Variants in UBE2Q2 observed in about 807,000 individuals in gnomAD.
UBE2Q2 encodes the protein ubiquitin conjugating enzyme E2 Q2, also known as ubiquitin-conjugating enzyme E2 Q2.
UBE2Q2 carries 54 observed loss-of-function variants against 59.9 expected under a neutral mutation model. That is an observed-to-expected ratio of 0.90 (90% CI 0.72 to 1.13). The LOEUF (loss-of-function observed/expected upper bound fraction) is 1.13, where lower values mean the gene tolerates loss of function less well. UBE2Q2 is among the 50% of genes most tolerant of loss of function. UBE2Q2 has a pLI of 0.00. For missense variants in UBE2Q2, 433 were observed against 441.9 expected, an observed-to-expected ratio of 0.98 and a Z score of 0.18; for synonymous variants, 165 against 155.2, an observed-to-expected ratio of 1.06 and a Z score of -0.47.
chr15:75,895,570 T>TAA (rs916287151), intron 11 of UBE2Q2, among the ~76,000 whole-genome samples: 1 of 150,608 alleles, frequency 6.6e-6, no homozygotes, highest in African/African-American at 2.4e-5. Context: ...TTTAACATGT[T>TAA]AAAAAAAAAT....
chr15:75,856,312 C>G (rs573012346), intron 2 of UBE2Q2, among the ~76,000 whole-genome samples: 51 of 145,690 alleles, frequency 3.5e-4, no homozygotes, highest in African/African-American at 1.2e-3. Flanking sequence ...CAGTACAAAT[C>G]CCAGCAGATT....
chr15:75,854,259 T>C (rs1355861473), intron 1 of UBE2Q2, 127 bp from the exon 2 acceptor site: 1 of 603,218 alleles, frequency 1.7e-6, no homozygotes, highest in African/African-American at 1.9e-5. Flanking sequence ...GTTTTTAATA[T>C]GTTGCCTTTT....
At chr15:75,872,516 T>C (rs1177961686) in intron 4 of UBE2Q2, among the ~76,000 whole-genome samples, 1 of 150,864 alleles carries the variant, frequency 6.6e-6, no homozygotes, top group African/African-American at 2.4e-5. Context: ...GGTATTCAAA[T>C]TCTTTGTTTT....
At chr15:75,891,061 T>C in intron 11 of UBE2Q2, 47 bp downstream of exon 11, 1 of 1,423,676 alleles carries the variant, frequency 7.0e-7, no homozygotes, top group South Asian at 1.2e-5. Context: ...ACATTTTATA[T>C]TACTTTATAA....
chr15:75,890,503 T>C lies in UBE2Q2; in HGVS notation c.933+20T>C. ...AAACAGGTGACTTTTCTTACGATAC[T>C]CCATTTTCACCCACAATTTAGTGTT... On this transcript the variant is annotated intron_variant, in intron 10 of 12. Coordinates refer to ENST00000267938, the MANE Select transcript of UBE2Q2 (RefSeq NM_173469.4). 1 of 1,604,260 alleles carries C rather than the reference T, an allele frequency of 6.2e-7. No homozygotes were observed. Among genetic ancestry groups the C allele is most frequent in the South Asian group, 1.1e-5 (1 of 88,792 alleles).
chr15:75,860,699 C>T (rs1897163763), intron 3 of UBE2Q2, among the ~76,000 whole-genome samples: 3 of 152,088 alleles, frequency 2.0e-5, no homozygotes, highest in African/African-American at 4.8e-5. Flanking sequence ...GTAGCCCTTT[C>T]TGTGAGGTTT....
chr15:75,844,408 T>TTGAGCGACCCCTCTCCCCCGGGCC (rs1373802237), intron 1 of UBE2Q2: 12 of 1,551,460 alleles, frequency 7.7e-6, no homozygotes, highest in Non-Finnish European at 8.7e-6. Context: ...CTGGTGCTGT[T>TTGAGCGACCCCTCTCCCCCGGGCC]TGAGCGACCC....
intron 2 of UBE2Q2, among the ~76,000 whole-genome samples, chr15:75,855,652 C>T (rs1269008548): frequency 6.6e-6 from 1 of 152,136 alleles, no homozygotes; most frequent in Non-Finnish European, 1.5e-5. Context: ...AGCTCTGTTA[C>T]ATAAAAGTCA....
intron 3 of UBE2Q2, among the ~76,000 whole-genome samples, chr15:75,865,355 C>T (rs1024212478): frequency 5.3e-5 from 8 of 152,164 alleles, no homozygotes; most frequent in Admixed American, 1.3e-4. Flanking sequence ...TTGTGTGTAG[C>T]TATAGTTCTT....
intron 8 of UBE2Q2, among the ~76,000 whole-genome samples, chr15:75,883,084 G>A (rs917660783): frequency 6.6e-6 from 1 of 152,096 alleles, no homozygotes; most frequent in African/African-American, 2.4e-5. Context: ...AAGTTACCTA[G>A]TCTATCATTA....
At chr15:75,849,381 GAA>G (rs1353491983) in intron 1 of UBE2Q2, among the ~76,000 whole-genome samples, 16 of 152,282 alleles carry the variant, frequency 1.1e-4, no homozygotes, top group African/African-American at 3.8e-4. Context: ...TGAAATCCCT[GAA>G]GATAGCTGTG....
rs371826723 is a variant in UBE2Q2, at chr15:75,845,795, G to A, written c.180+1949G>A. 7.2e-5 allele frequency among the ~76,000 whole-genome samples: 11 copies of A among 152,284 alleles called. No individual in the cohort carries two copies. In the South Asian group the frequency reaches 1.5e-3, roughly 20 times the overall value. On this transcript the variant is annotated intron_variant, in intron 1 of 12. Transcript: ENST00000267938. ...CCTAAAGTGCCACTGGTGCCCCATC[G>A]AGAACCATATTGAAGGCTGGTAAGA...
chr15:75,878,972 C>T, intron 7 of UBE2Q2, 126 bp from the exon 8 acceptor site: 1 of 582,716 alleles, frequency 1.7e-6, no homozygotes, highest in Non-Finnish European at 2.9e-6. Context: ...AGCTTTAGAC[C>T]TTCTCTTTCT....
chr15:75,846,185 T>C (rs980007394), intron 1 of UBE2Q2, among the ~76,000 whole-genome samples: 2 of 152,224 alleles, frequency 1.3e-5, no homozygotes, highest in Non-Finnish European at 2.9e-5. Flanking sequence ...GACAGATCAC[T>C]TCATCTGTAA....
At chr15:75,886,457 G>A (rs572915182) in intron 9 of UBE2Q2, among the ~76,000 whole-genome samples, 1 of 152,198 alleles carries the variant, frequency 6.6e-6, no homozygotes, top group South Asian at 2.1e-4. Context: ...TTATAAAATT[G>A]TGATGTTTAC....
At chr15:75,892,949 C>CA (rs1465820242) in intron 11 of UBE2Q2, among the ~76,000 whole-genome samples, 2 of 151,876 alleles carry the variant, frequency 1.3e-5, no homozygotes, top group Admixed American at 6.6e-5. Flanking sequence ...ATGATTATCT[C>CA]AAAAAAATAA....
intron 1 of UBE2Q2, chr15:75,844,722 C>T (rs561657684): frequency 1.1e-5 from 4 of 380,248 alleles, no homozygotes; most frequent in Admixed American, 3.7e-5. Context: ...AGCTATTCGT[C>T]GTGAAATTGA....
chr15:75,844,076 T>G, intron 1 of UBE2Q2: 1 of 1,410,842 alleles, frequency 7.1e-7, no homozygotes, highest in Non-Finnish European at 9.2e-7. Flanking sequence ...GGGGCTGGCT[T>G]GGGGGCTTCT....
intron 5 of UBE2Q2, among the ~76,000 whole-genome samples, chr15:75,874,985 A>G (rs1897997727): frequency 6.6e-6 from 1 of 152,236 alleles, no homozygotes; most frequent in Admixed American, 6.5e-5. Context: ...AATCTAATTT[A>G]TAATTTTTAG....
Sources: allele counts gnomAD v4.1 joint callset (sites outside exome capture counted in the v4.1 genomes callset), GRCh38; gene constraint gnomAD v4.1.1; transcripts MANE v1.5; gene names NCBI Gene and HGNC (gene_info 2026-07-23, HGNC 2026-07-21).